CSMD1: variants seen among roughly 807,000 people sequenced by gnomAD.
CSMD1 encodes CUB and Sushi multiple domains 1.
Under a neutral mutation model 417.5 loss-of-function variants are expected in CSMD1, and 213 were observed. That is an observed-to-expected ratio of 0.51 (90% CI 0.46 to 0.57). CSMD1 has a LOEUF of 0.57. CSMD1 is among the 20% of genes least tolerant of loss of function. The pLI, the probability that CSMD1 is intolerant of heterozygous loss-of-function variation, is 0.00. For missense variants in CSMD1, 6,923 were observed against 4,529.7 expected (o/e 1.53, Z -15.17); for synonymous variants, 2,862 against 1,736.8 (o/e 1.65, Z -16.11).
intron 5 of CSMD1, among the ~76,000 whole-genome samples, chr8:3,755,262 T>G (rs896843134): frequency 6.6e-5 from 10 of 152,158 alleles, no homozygotes; most frequent in African/African-American, 2.4e-4. Flanking sequence ...GCAACATAGG[T>G]GGATCATGTT....
chr8:4,132,075 C>G (rs899395180), intron 3 of CSMD1, among the ~76,000 whole-genome samples: 4 of 152,018 alleles, frequency 2.6e-5, no homozygotes, highest in African/African-American at 9.7e-5. Flanking sequence ...ATTATAGATT[C>G]TTCAAAAACA....
At chr8:4,106,802 G>C (rs752021814) in intron 3 of CSMD1, among the ~76,000 whole-genome samples, 4 of 152,096 alleles carry the variant, frequency 2.6e-5, no homozygotes, top group South Asian at 4.1e-4. Context: ...TGGTCTGGGA[G>C]AGCTCAGGTC....
At chr8:4,419,499 G>A (rs557137891) in intron 3 of CSMD1, among the ~76,000 whole-genome samples, 7 of 152,046 alleles carry the variant, frequency 4.6e-5, no homozygotes, top group African/African-American at 1.7e-4. Context: ...TCAAACAACA[G>A]TAAAAGCAAA....
intron 11 of CSMD1, among the ~76,000 whole-genome samples, chr8:3,481,655 C>T (rs1817756362): frequency 6.6e-6 from 1 of 152,180 alleles, no homozygotes; most frequent in African/African-American, 2.4e-5. Context: ...AATGCCACCA[C>T]TAGTATCCAT....
At chr8:4,602,739 A>T (rs1210447788) in intron 2 of CSMD1, among the ~76,000 whole-genome samples, 1 of 152,152 alleles carries the variant, frequency 6.6e-6, no homozygotes, top group Non-Finnish European at 1.5e-5. Context: ...CAGCATCTAC[A>T]GATAACTACT....
rs542711045 is a variant in CSMD1, at chr8:4,039,700, C to A, written c.416-7601G>T. Among the ~76,000 whole-genome samples the A allele has an allele frequency of 1.2e-4, 19 of 152,218 alleles. No individual in the cohort carries two copies. The East Asian group carries it at 2.7e-3, about 22-fold the overall frequency. On this transcript the variant is annotated intron_variant, in intron 3 of 69. Transcript: ENST00000635120. ...AATGAGGAAGTGAGCTGTAAATATACTTGAAGGTGGAAAAGGGCAAGATTT... is the reference window on the plus strand; with the variant it reads ...AATGAGGAAGTGAGCTGTAAATATAATTGAAGGTGGAAAAGGGCAAGATTT...
At chr8:3,605,373 G>T (rs772856155) in intron 8 of CSMD1, among the ~76,000 whole-genome samples, 1 of 152,202 alleles carries the variant, frequency 6.6e-6, no homozygotes, top group Non-Finnish European at 1.5e-5. Flanking sequence ...ACATTTTCAT[G>T]TAACAAGAGA....
intron 26 of CSMD1, among the ~76,000 whole-genome samples, chr8:3,262,238 CAT>C (rs1491528391): frequency 0.011 from 1,300 of 117,836 alleles, 62 homozygotes; most frequent in African/African-American, 0.045. Context: ...TATACACACA[CAT>C]AGTTAATTTC....
In CSMD1 at chr8:3,980,693, A is replaced by T. The variant is rs139760445; in HGVS notation, c.818+17210T>A. 9.3e-3 allele frequency among the ~76,000 whole-genome samples: 1,410 copies of T among 152,148 alleles called. 22 individuals are homozygous for T. Among genetic ancestry groups the T allele is most frequent in the African/African-American group, 0.032 (1,329 of 41,510 alleles). On this transcript the variant is annotated intron_variant, in intron 5 of 69. Coordinates refer to ENST00000635120, the MANE Select transcript of CSMD1 (RefSeq NM_033225.6). ...GTTTCTGCCTATTGAGAATCTGGAG[A>T]ATTTAAAAGAACGATGTGACAAGAA...
At chr8:4,191,189 G>C (rs965706257) in intron 3 of CSMD1, among the ~76,000 whole-genome samples, 1 of 152,192 alleles carries the variant, frequency 6.6e-6, no homozygotes, top group South Asian at 2.1e-4. Flanking sequence ...GACGTCAGGA[G>C]ATTGAGACCA....
intron 2 of CSMD1, among the ~76,000 whole-genome samples, chr8:4,467,342 T>A (rs1800244157): frequency 6.6e-6 from 1 of 152,102 alleles, no homozygotes; most frequent in African/African-American, 2.4e-5. Flanking sequence ...CATTACTGAA[T>A]GTGTAATTCC....
At chr8:3,340,718 A>C (rs1013154746) in intron 23 of CSMD1, among the ~76,000 whole-genome samples, 3 of 152,160 alleles carry the variant, frequency 2.0e-5, no homozygotes, top group Non-Finnish European at 4.4e-5. Flanking sequence ...ACAACTAACA[A>C]TTTAATGTGA....
At chr8:4,357,604 A>G (rs1181579454) in intron 3 of CSMD1, among the ~76,000 whole-genome samples, 1 of 152,176 alleles carries the variant, frequency 6.6e-6, no homozygotes, top group Non-Finnish European at 1.5e-5. Context: ...CCTTTAGGAT[A>G]CAAATAAATA....
chr8:3,102,704 A>T (rs1412497481), intron 46 of CSMD1, among the ~76,000 whole-genome samples: 1 of 152,162 alleles, frequency 6.6e-6, no homozygotes. Context: ...GGAGTGTTTC[A>T]GTTACATATT....
chr8:3,467,265 T>C (rs139401449), intron 12 of CSMD1, among the ~76,000 whole-genome samples: 56 of 152,344 alleles, frequency 3.7e-4, no homozygotes, highest in African/African-American at 1.3e-3. Flanking sequence ...ATAAACCTCA[T>C]GATGTGTATC....
At chr8:4,216,659 C>T (rs1800690274) in intron 3 of CSMD1, among the ~76,000 whole-genome samples, 1 of 152,124 alleles carries the variant, frequency 6.6e-6, no homozygotes, top group African/African-American at 2.4e-5. Context: ...TCGTAAATGA[C>T]TGAGTGAAGG....
chr8:3,321,219 G>A (rs910203541), intron 23 of CSMD1, among the ~76,000 whole-genome samples: 11 of 152,206 alleles, frequency 7.2e-5, no homozygotes, highest in African/African-American at 2.6e-4. Flanking sequence ...ACACAAGATT[G>A]CTGTTGTTGC....
chr8:4,171,008 G>T (rs935746318), intron 3 of CSMD1, among the ~76,000 whole-genome samples: 3 of 151,848 alleles, frequency 2.0e-5, no homozygotes, highest in Non-Finnish European at 4.4e-5. Context: ...CTTCAGCATG[G>T]GATAATGGCC....
intron 3 of CSMD1, among the ~76,000 whole-genome samples, chr8:4,284,726 G>T (rs1424107742): frequency 6.6e-6 from 1 of 151,964 alleles, no homozygotes; most frequent in African/African-American, 2.4e-5. Flanking sequence ...CTCCCAGGAG[G>T]GTAACTCCAT....
Sources: allele counts gnomAD v4.1 joint callset (sites outside exome capture counted in the v4.1 genomes callset), GRCh38; gene constraint gnomAD v4.1.1; transcripts MANE v1.5; gene names NCBI Gene and HGNC (gene_info 2026-07-23, HGNC 2026-07-21).